Variants in SLC15A1 observed in about 807,000 individuals in gnomAD.
SLC15A1 encodes the protein solute carrier family 15 member 1.
A neutral mutation model predicts 92.9 loss-of-function variants in SLC15A1; 83 were observed. That is an observed-to-expected ratio of 0.89 (90% CI 0.75 to 1.07). The LOEUF is 1.07. Ranked by LOEUF, SLC15A1 falls within the 50% of genes least tolerant of loss-of-function variation. The probability of loss-of-function intolerance (pLI) is 0.00; values close to 1 mark genes in which losing one functional copy is unlikely to be tolerated. For synonymous variants in SLC15A1, 322 were observed against 318.2 expected (o/e 1.01, Z -0.13); for missense variants, 857 against 880.1 (o/e 0.97, Z 0.33).
At chr13:98,704,860 C>T (rs2088099114) in intron 16 of SLC15A1, among the ~76,000 whole-genome samples, 1 of 152,128 alleles carries the variant, frequency 6.6e-6, no homozygotes, top group South Asian at 2.1e-4. Flanking sequence ...GGTTGTGGTG[C>T]TCAACCATGG....
intron 15 of SLC15A1, among the ~76,000 whole-genome samples, chr13:98,708,433 C>T (rs1370302236): frequency 6.6e-6 from 1 of 152,172 alleles, no homozygotes; most frequent in Admixed American, 6.5e-5. Context: ...GGAACACATT[C>T]TGTAAACTTC....
chr13:98,727,273 T>A (rs2088310165), intron 1 of SLC15A1, among the ~76,000 whole-genome samples: 1 of 152,198 alleles, frequency 6.6e-6, no homozygotes, highest in Non-Finnish European at 1.5e-5. Flanking sequence ...CTGTGCACAC[T>A]CAACCGCCAC....
Position 98,711,907 on chromosome 13 carries a change from C to G in SLC15A1, c.847G>C (p.Val283Leu), listed in dbSNP as rs375733107. Residue 283 changes from valine to leucine, a missense_variant, in exon 11 of 23, where the codon GTG (valine) becomes CTG (leucine). Transcript: ENST00000376503. ...LISQIKMVTRVMFLYIPLPMF... is the reference protein window; with the variant it reads ...LISQIKMVTRLMFLYIPLPMF... ...GGGAGTGGAATATACAGGAACATCA[C>G]CCTCGTAACCATCTTAATTTGGGAG... 4.3e-4 allele frequency: 695 copies of G among 1,613,328 alleles called. 9 individuals carry two copies. The South Asian group carries it at 5.1e-3, about 12-fold the overall frequency.
chr13:98,708,600 T>A, intron 15 of SLC15A1, 86 bp downstream of exon 15: 1 of 1,196,458 alleles, frequency 8.4e-7, no homozygotes. Flanking sequence ...CCTCCCCTAA[T>A]CCCCTTCATG....
At chr13:98,744,240 CAAAAAAA>C (rs898374872) in intron 1 of SLC15A1, among the ~76,000 whole-genome samples, 4 of 42,358 alleles carry the variant, frequency 9.4e-5, no homozygotes, top group South Asian at 1.8e-3. Flanking sequence ...GACTCTGTCT[CAAAAAAA>C]AAAAAAAAAA....
intron 15 of SLC15A1, among the ~76,000 whole-genome samples, chr13:98,707,302 G>A (rs940413267): frequency 6.6e-6 from 1 of 152,174 alleles, no homozygotes; most frequent in Non-Finnish European, 1.5e-5. Flanking sequence ...CACACAATGG[G>A]TTTAGTATTC....
chr13:98,696,221 C>T lies in SLC15A1; in HGVS notation c.1466+6259G>A, dbSNP rs186462189. On this transcript the variant is annotated intron_variant, in intron 18 of 22. Coordinates refer to ENST00000376503, the MANE Select transcript of SLC15A1 (RefSeq NM_005073.4). ...TTGAGGTCAGGAGTTCGAGACCAGC[C>T]TGGCCAATATGGTGAAACCCCGTCT... is the stretch of plus-strand genomic sequence containing the variant. Among the ~76,000 whole-genome samples, 12 of 135,644 alleles carry T rather than the reference C, an allele frequency of 8.8e-5. No homozygotes were observed. The East Asian group carries it at 2.3e-3, about 27-fold the overall frequency. 89.0% of individuals were successfully genotyped at this position (135,644 alleles called of 152,430 possible). A position where few individuals can be genotyped will look rare whatever the true frequency, so the allele number is the denominator to read the frequency against.
In SLC15A1 at chr13:98,684,620, G is replaced by T; in HGVS notation, c.*104C>A. 1.4e-6 allele frequency: 1 copy of T among 698,164 alleles called. No homozygotes were observed. Among genetic ancestry groups the T allele is most frequent in the Non-Finnish European group, 2.4e-6 (1 of 416,284 alleles). The allele number at this position is 698,164 out of a possible 1,614,324, so 43.2% of individuals were successfully genotyped here. A position where few individuals can be genotyped will look rare whatever the true frequency, so the allele number is the denominator to read the frequency against. ...CATTCATGGTTTAGTTCCCAATTCT[G>T]AAGTCTTCCTCATCAGGGGCCATCC... On this transcript the variant is annotated 3_prime_UTR_variant, in exon 23 of 23. Coordinates refer to ENST00000376503, the MANE Select transcript of SLC15A1 (RefSeq NM_005073.4).
At chr13:98,749,223 G>C (rs1236465720) in intron 1 of SLC15A1, among the ~76,000 whole-genome samples, 1 of 152,132 alleles carries the variant, frequency 6.6e-6, no homozygotes, top group East Asian at 1.9e-4. Flanking sequence ...CAGGTGTGAG[G>C]GACCTTCACA....
chr13:98,725,717 T>G (rs1215310019), intron 4 of SLC15A1, among the ~76,000 whole-genome samples: 3 of 151,704 alleles, frequency 2.0e-5, no homozygotes, highest in African/African-American at 4.8e-5. Context: ...CTCCTAAGGG[T>G]TTGTTTCTGT....
intron 7 of SLC15A1, chr13:98,720,891 A>G (rs374994375): frequency 5.7e-6 from 2 of 348,074 alleles, no homozygotes; most frequent in East Asian, 7.4e-5. Flanking sequence ...TCTACTAAAA[A>G]TACAAAAAAT....
intron 17 of SLC15A1, 46 bp downstream of exon 17, chr13:98,704,243 G>T: frequency 1.3e-6 from 2 of 1,514,250 alleles, no homozygotes; most frequent in Non-Finnish European, 1.8e-6. Flanking sequence ...TTGGCCTCCA[G>T]TATCACAAAT....
At chr13:98,693,089 T>TG (rs2087994474) in intron 18 of SLC15A1, among the ~76,000 whole-genome samples, 1 of 42,432 alleles carries the variant, frequency 2.4e-5, no homozygotes, top group Non-Finnish European at 7.7e-5. Context: ...TTGTCTACGT[T>TG]TTTTTTTTTT....
chr13:98,742,737 A>G (rs964088448), intron 1 of SLC15A1, among the ~76,000 whole-genome samples: 1 of 152,094 alleles, frequency 6.6e-6, no homozygotes, highest in African/African-American at 2.4e-5. Context: ...TGCCCTGTGT[A>G]TGAGTCTATG....
intron 1 of SLC15A1, among the ~76,000 whole-genome samples, chr13:98,742,468 G>A (rs970904631): frequency 4.3e-4 from 65 of 152,238 alleles, no homozygotes; most frequent in African/African-American, 1.5e-3. Context: ...CCTGGGGACA[G>A]CTCCTGGTCA....
chr13:98,687,833 CA>C, intron 20 of SLC15A1, 109 bp from the exon 21 acceptor site: 1 of 1,262,912 alleles, frequency 7.9e-7, no homozygotes, highest in Non-Finnish European at 1.1e-6. Flanking sequence ...TATGATTTGT[CA>C]AGTACGTACA....
chr13:98,751,652 C>G (rs1214117503), intron 1 of SLC15A1, among the ~76,000 whole-genome samples: 1 of 152,216 alleles, frequency 6.6e-6, no homozygotes, highest in African/African-American at 2.4e-5. Flanking sequence ...ACTGCTTCTC[C>G]TTAGGAACCA....
chr13:98,712,027 T>C (rs1189889763), intron 10 of SLC15A1, 84 bp from the exon 11 acceptor site: 1 of 993,750 alleles, frequency 1.0e-6, no homozygotes, highest in African/African-American at 1.6e-5. Context: ...CTGATTTCAG[T>C]GGAGACACAG....
rs71218592 is a variant in SLC15A1 at position 98,728,977 on chromosome 13, T to TAAAAAAAAAA, written c.5-2128_5-2119dup. On this transcript the variant is annotated intron_variant, in intron 1 of 22. Coordinates refer to ENST00000376503, the MANE Select transcript of SLC15A1 (RefSeq NM_005073.4). ...GCCTAGGCCACAGAGTAAGGCTCTG[T>TAAAAAAAAAA]AAAAAAAAAAAAAAAAAAAAAAAAA... Among the ~76,000 whole-genome samples the TAAAAAAAAAA allele has an allele frequency of 2.6e-3, 36 of 13,890 alleles. 1 individual carries two copies. The highest frequency in any genetic ancestry group is 5.8e-3 in the African/African-American group (18 of 3,120). The allele number at this position is 13,890 out of a possible 152,430, so 9.1% of individuals were successfully genotyped here. A position where few individuals can be genotyped will look rare whatever the true frequency, so the allele number is the denominator to read the frequency against.
Sources: gnomAD v4.1 joint callset for allele counts (sites outside exome capture counted in the v4.1 genomes callset) on GRCh38, gnomAD v4.1.1 for gene constraint, MANE v1.5 for transcripts, NCBI Gene and HGNC (gene_info 2026-07-23, HGNC 2026-07-21) for gene names.